CTNNA3: variants seen among roughly 807,000 people sequenced by gnomAD.
CTNNA3 encodes catenin alpha 3, also known as catenin alpha-3.
In CTNNA3, 76 loss-of-function variants were observed where a neutral mutation model predicts 95.7. The ratio of observed to expected loss-of-function variants is 0.79; its 90% CI spans 0.66 to 0.96. The LOEUF (loss-of-function observed/expected upper bound fraction) is 0.96. CTNNA3 is among the 40% of genes least tolerant of loss of function. The probability of loss-of-function intolerance (pLI) is 0.00; values close to 1 mark genes in which losing one functional copy is unlikely to be tolerated. For synonymous variants in CTNNA3, 431 were observed against 374.4 expected (o/e 1.15, Z -1.74); for missense variants, 1,191 against 1,089.8 (o/e 1.09, Z -1.31).
At chr10:66,596,160 G>A (rs1331462562) in intron 10 of CTNNA3, among the ~76,000 whole-genome samples, 1 of 152,012 alleles carries the variant, frequency 6.6e-6, no homozygotes, top group African/African-American at 2.4e-5. Context: ...TAGGAACAGG[G>A]TAAGGGGGTA....
chr10:66,559,949 A>G (rs1283568867), intron 10 of CTNNA3, among the ~76,000 whole-genome samples: 1 of 152,070 alleles, frequency 6.6e-6, no homozygotes, highest in East Asian at 1.9e-4. Context: ...TCTGTTCATC[A>G]TTGTATCCTA....
chr10:67,640,298 G>A (rs1839482891), intron 2 of CTNNA3, among the ~76,000 whole-genome samples: 1 of 152,092 alleles, frequency 6.6e-6, no homozygotes, highest in East Asian at 1.9e-4. Flanking sequence ...AACTTACAAG[G>A]GATGTGAAGG....
intron 4 of CTNNA3, among the ~76,000 whole-genome samples, chr10:67,533,299 T>G (rs1158190374): frequency 6.7e-6 from 1 of 148,232 alleles, no homozygotes; most frequent in African/African-American, 2.5e-5. Context: ...ACTCCAGGTG[T>G]GCAAAAAGAG....
rs542959981 is a variant in CTNNA3, at chr10:66,231,216, T to A, written c.1884+49254A>T. On this transcript the variant is annotated intron_variant, in intron 13 of 17. Coordinates refer to ENST00000433211, the MANE Select transcript of CTNNA3 (RefSeq NM_013266.4). ...TCGTGGGAATGTGGACTACTGAGGA[T>A]CTCTTGCTTTTCTTTTTTCTGCAGT... is the stretch of plus-strand genomic sequence containing the variant. 2.6e-5 allele frequency among the ~76,000 whole-genome samples: 4 copies of A among 152,266 alleles called. No individual in the cohort carries two copies. The South Asian group carries it at 6.2e-4, about 24-fold the overall frequency.
chr10:66,693,374 A>C (rs990292574), intron 9 of CTNNA3, among the ~76,000 whole-genome samples: 9 of 146,186 alleles, frequency 6.2e-5, no homozygotes, highest in Non-Finnish European at 1.0e-4. Flanking sequence ...AGGCCATTAC[A>C]TAATGGTAAA....
At chr10:67,549,479 A>G (rs542069278) in intron 3 of CTNNA3, among the ~76,000 whole-genome samples, 1 of 152,366 alleles carries the variant, frequency 6.6e-6, no homozygotes, top group South Asian at 2.1e-4. Flanking sequence ...TTGCACAAAA[A>G]TTAACAGTAG....
intron 12 of CTNNA3, among the ~76,000 whole-genome samples, chr10:66,329,660 G>A (rs780046888): frequency 2.0e-5 from 3 of 151,912 alleles, no homozygotes; most frequent in South Asian, 2.1e-4. Flanking sequence ...AACAATGGGC[G>A]AATGAGTGAA....
intron 7 of CTNNA3, among the ~76,000 whole-genome samples, chr10:67,026,575 A>G (rs58884711): frequency 0.01 from 1,588 of 152,256 alleles, 28 homozygotes; most frequent in African/African-American, 0.035. Context: ...AGCTCCTTAT[A>G]TATTAGTCAA....
chr10:67,742,501 A>T (rs1369950094), intron 1 of CTNNA3, among the ~76,000 whole-genome samples: 3 of 151,238 alleles, frequency 2.0e-5, no homozygotes, highest in African/African-American at 4.8e-5. Flanking sequence ...CATTCAAGGC[A>T]GTGTGTGGAG....
intron 5 of CTNNA3, among the ~76,000 whole-genome samples, chr10:67,293,026 T>C (rs1245261674): frequency 6.6e-6 from 1 of 151,984 alleles, no homozygotes; most frequent in Non-Finnish European, 1.5e-5. Context: ...AGAGAATTAG[T>C]AGATTAAGAA....
chr10:67,278,003 T>C (rs1459230388), intron 5 of CTNNA3, among the ~76,000 whole-genome samples: 1 of 152,170 alleles, frequency 6.6e-6, no homozygotes, highest in African/African-American at 2.4e-5. Context: ...CATTCTTTTA[T>C]TCCTTTGCTT....
At position 66,505,704 on chromosome 10, in the gene CTNNA3, T is replaced by C. The variant is rs568379755; in HGVS notation, c.1531+14913A>G. Among the ~76,000 whole-genome samples the C allele has an allele frequency of 1.2e-3, 176 of 152,208 alleles. 1 individual carries two copies. The highest frequency in any genetic ancestry group is 3.9e-3 in the African/African-American group (162 of 41,548). On this transcript the variant is annotated intron_variant, in intron 11 of 17. Transcript: ENST00000433211. ...GTCATGTGCTTTCATTTTTTGGAGA[T>C]AGAATGGAGAAAACGAGGGAACACC...
chr10:67,085,009 C>A (rs1857223105), intron 7 of CTNNA3, among the ~76,000 whole-genome samples: 1 of 151,846 alleles, frequency 6.6e-6, no homozygotes, highest in Admixed American at 6.6e-5. Flanking sequence ...AGTAGGGTAT[C>A]CTAATGATAC....
At chr10:66,700,607 T>C (rs1331452211) in intron 9 of CTNNA3, among the ~76,000 whole-genome samples, 1 of 152,226 alleles carries the variant, frequency 6.6e-6, no homozygotes, top group Non-Finnish European at 1.5e-5. Flanking sequence ...TTGTTTTGGC[T>C]ATTCATGGTC....
chr10:66,995,965 C>T (rs1851308266), intron 7 of CTNNA3, among the ~76,000 whole-genome samples: 1 of 152,162 alleles, frequency 6.6e-6, no homozygotes, highest in South Asian at 2.1e-4. Flanking sequence ...ATCCTATAAA[C>T]ATAAATTATT....
At chr10:67,099,653 A>C (rs1858221983) in intron 7 of CTNNA3, 1 of 152,206 alleles carries the variant, frequency 6.6e-6, no homozygotes, top group Admixed American at 6.6e-5. Flanking sequence ...AAAAGATGTA[A>C]ATGTTGGAAG....
intron 13 of CTNNA3, among the ~76,000 whole-genome samples, chr10:66,235,809 T>A (rs1008494129): frequency 6.6e-6 from 1 of 152,144 alleles, no homozygotes; most frequent in Non-Finnish European, 1.5e-5. Context: ...TTAGCAAGAT[T>A]TCAGATTATG....
intron 13 of CTNNA3, among the ~76,000 whole-genome samples, chr10:66,106,399 T>A (rs986488970): frequency 2.0e-5 from 3 of 151,166 alleles, no homozygotes; most frequent in African/African-American, 7.3e-5. Context: ...TTTCATTCTG[T>A]GAAAGATTAA....
intron 11 of CTNNA3, among the ~76,000 whole-genome samples, chr10:66,463,669 T>C (rs1282317187): frequency 1.3e-5 from 2 of 152,130 alleles, no homozygotes; most frequent in Non-Finnish European, 2.9e-5. Flanking sequence ...ACAAAAGTTA[T>C]GAGACTCATG....
Sources: gnomAD v4.1 joint callset for allele counts (sites outside exome capture counted in the v4.1 genomes callset) on GRCh38, gnomAD v4.1.1 for gene constraint, MANE v1.5 for transcripts, NCBI Gene and HGNC (gene_info 2026-07-23, HGNC 2026-07-21) for gene names.